Variants in SNRNP48 observed in about 807,000 individuals in gnomAD.
SNRNP48 encodes the protein small nuclear ribonucleoprotein U11/U12 subunit 48.
SNRNP48 carries 43 observed loss-of-function variants against 47.0 expected under a neutral mutation model. The ratio of observed to expected loss-of-function variants is 0.92; its 90% CI spans 0.72 to 1.18. The LOEUF is 1.18. SNRNP48 is among the 50% of genes most tolerant of loss of function. The pLI, the probability that SNRNP48 is intolerant of heterozygous loss-of-function variation, is 0.00. For synonymous variants in SNRNP48, 138 were observed against 144.0 expected, an observed-to-expected ratio of 0.96 and a Z score of 0.30; for missense variants, 396 against 422.2, an observed-to-expected ratio of 0.94 and a Z score of 0.54.
chr6:7,608,770 T>G, intron 8 of SNRNP48, 55 bp from the exon 9 acceptor site: 1 of 962,248 alleles, frequency 1.0e-6, no homozygotes, highest in Non-Finnish European at 1.5e-6. Context: ...TTTAAAGCTC[T>G]GATATTAAAA....
intron 3 of SNRNP48, among the ~76,000 whole-genome samples, 163 bp downstream of exon 3, chr6:7,594,322 A>C (rs1368534073): frequency 3.3e-5 from 5 of 152,252 alleles, no homozygotes; most frequent in African/African-American, 1.2e-4. Context: ...ACTAATTCAC[A>C]TAATCTGAAG....
In SNRNP48 at chr6:7,602,752, T is replaced by G; in HGVS notation, c.717+8T>G. The G allele has an allele frequency of 2.0e-6, 3 of 1,535,562 alleles. No homozygotes were observed. The highest frequency in any genetic ancestry group is 2.6e-6 in the Non-Finnish European group (3 of 1,145,902). On this transcript the variant is annotated splice_region_variant and intron_variant, in intron 6 of 8. Coordinates refer to ENST00000342415, the MANE Select transcript of SNRNP48 (RefSeq NM_152551.4). Reference sequence around the variant, plus strand: ...AAGAAATCATATACTGAGGTAAGTTTTACATAATCTTTGTTGATAAGAATT... The same window carrying G: ...AAGAAATCATATACTGAGGTAAGTTGTACATAATCTTTGTTGATAAGAATT...
Position 7,593,971 on chromosome 6 carries a change from G to A in SNRNP48, c.270+124G>A, listed in dbSNP as rs1371483532. On this transcript the variant is annotated intron_variant, in intron 2 of 8. Transcript: ENST00000342415. ...ATAATAGCCCTTACTTGAAGGGTTG[G>A]TTGGTACTTGCCTAATTGCACAAAT... 3 of 976,660 alleles carry A rather than the reference G, an allele frequency of 3.1e-6. No individual in the cohort carries two copies. In the African/African-American group the frequency reaches 5.0e-5, roughly 16 times the overall value. 60.5% of individuals were successfully genotyped at this position (976,660 alleles called of 1,614,324 possible). A position where few individuals can be genotyped will look rare whatever the true frequency, so the allele number is the denominator to read the frequency against.
At chr6:7,603,910 G>A (rs966180982) in intron 6 of SNRNP48, among the ~76,000 whole-genome samples, 10 of 152,040 alleles carry the variant, frequency 6.6e-5, no homozygotes, top group Admixed American at 1.3e-4. Context: ...CATTCTTTAC[G>A]GTTTTATAGT....
rs200335855 is a variant in SNRNP48, at chr6:7,610,701, T to G, written c.*1828T>G. 2 of 96,024 alleles carry G rather than the reference T, an allele frequency of 2.1e-5. No individual in the cohort carries two copies. The highest frequency in any genetic ancestry group is 4.2e-5 in the Non-Finnish European group (2 of 47,720). The allele number at this position is 96,024 out of a possible 1,614,324, so 5.9% of individuals were successfully genotyped here. On this transcript the variant is annotated 3_prime_UTR_variant, in exon 9 of 9. Coordinates refer to ENST00000342415, the MANE Select transcript of SNRNP48 (RefSeq NM_152551.4). ...GGAGAAAGGAAGAGATTGAAAATGT[T>G]ACCAGAGTTCTTTAAAGCTCACATT...
intron 4 of SNRNP48, among the ~76,000 whole-genome samples, chr6:7,598,158 C>T (rs1314953355): frequency 4.6e-5 from 7 of 151,500 alleles, no homozygotes; most frequent in South Asian, 4.2e-4. Context: ...GGAGCCACCG[C>T]GCCTGGCCAA....
chr6:7,594,958 C>T lies in SNRNP48; in HGVS notation c.332-69C>T, dbSNP rs1171623257. 4.4e-6 allele frequency: 6 copies of T among 1,353,884 alleles called. No individual in the cohort carries two copies. In the East Asian group the frequency reaches 1.2e-4, roughly 28 times the overall value. The allele number at this position is 1,353,884 out of a possible 1,614,324, so 83.9% of individuals were successfully genotyped here. A position where few individuals can be genotyped will look rare whatever the true frequency, so the allele number is the denominator to read the frequency against. On this transcript the variant is annotated intron_variant, in intron 3 of 8. Coordinates refer to ENST00000342415, the MANE Select transcript of SNRNP48 (RefSeq NM_152551.4). Reference sequence around the variant, plus strand: ...GTGCCCAAAGGGCTTGGATCAGAAACCAGTTAATAATTTAATTGTGGTCAC... The same window carrying T: ...GTGCCCAAAGGGCTTGGATCAGAAATCAGTTAATAATTTAATTGTGGTCAC...
chr6:7,605,153 C>G (rs976082532), intron 6 of SNRNP48, among the ~76,000 whole-genome samples: 2 of 152,168 alleles, frequency 1.3e-5, no homozygotes, highest in African/African-American at 4.8e-5. Context: ...GAGATATTTT[C>G]TCACATAAAG....
At chr6:7,604,195 T>A (rs966288468) in intron 6 of SNRNP48, among the ~76,000 whole-genome samples, 1 of 152,230 alleles carries the variant, frequency 6.6e-6, no homozygotes, top group African/African-American at 2.4e-5. Flanking sequence ...CTTGTAGGCC[T>A]GCCAGGGAAG....
chr6:7,602,790 T>A, intron 6 of SNRNP48, 46 bp downstream of exon 6: 1 of 1,502,910 alleles, frequency 6.7e-7, no homozygotes, highest in Admixed American at 2.4e-5. Context: ...CCTTAGGTAA[T>A]TTTCTAAATC....
chr6:7,610,512 A>T lies in SNRNP48; in HGVS notation c.*1639A>T, dbSNP rs957432093. ...AATCATCAGGAATTTCATATTTTTC[A>T]TATTGTGTGACAACTTATAATTTTG... is the stretch of plus-strand genomic sequence containing the variant. On this transcript the variant is annotated 3_prime_UTR_variant, in exon 9 of 9. Transcript: ENST00000342415. 3 of 152,214 alleles carry T rather than the reference A, an allele frequency of 2.0e-5. No individual in the cohort carries two copies. The highest frequency in any genetic ancestry group is 2.0e-4 in the Admixed American group (3 of 15,274). 9.4% of individuals were successfully genotyped at this position (152,214 alleles called of 1,614,324 possible). A position where few individuals can be genotyped will look rare whatever the true frequency, so the allele number is the denominator to read the frequency against.
chr6:7,593,678 ATTAT>A, intron 1 of SNRNP48, 52 bp from the exon 2 acceptor site: 2 of 1,106,240 alleles, frequency 1.8e-6, no homozygotes, highest in Non-Finnish European at 2.6e-6. Context: ...TTTAATGGTA[ATTAT>A]TTATTTAAAT....
chr6:7,605,529 A>G (rs1760110149), intron 7 of SNRNP48, 43 bp downstream of exon 7: 2 of 1,521,864 alleles, frequency 1.3e-6, no homozygotes, highest in Non-Finnish European at 1.8e-6. Context: ...TCTCTTTGAT[A>G]ACAGATAACA....
intron 6 of SNRNP48, among the ~76,000 whole-genome samples, chr6:7,604,332 C>G (rs1177180064): frequency 1.3e-5 from 2 of 152,130 alleles, no homozygotes; most frequent in African/African-American, 4.8e-5. Flanking sequence ...TAAGGATTTT[C>G]CGGGTGGAAG....
chr6:7,601,207 C>A, intron 4 of SNRNP48, 129 bp from the exon 5 acceptor site: 2 of 614,060 alleles, frequency 3.3e-6, no homozygotes, highest in Non-Finnish European at 5.2e-6. Context: ...ATTTTGTATA[C>A]TTAGGGATTA....
At chr6:7,594,591 G>A (rs1052295668) in intron 3 of SNRNP48, among the ~76,000 whole-genome samples, 4 of 152,154 alleles carry the variant, frequency 2.6e-5, no homozygotes, top group African/African-American at 9.7e-5. Flanking sequence ...TAATTAACCT[G>A]TTTGTTGCCT....
At chr6:7,596,806 A>G (rs764820343) in intron 4 of SNRNP48, among the ~76,000 whole-genome samples, 1 of 152,196 alleles carries the variant, frequency 6.6e-6, no homozygotes, top group African/African-American at 2.4e-5. Context: ...GGTTCTGCTC[A>G]TATCCCCTGG....
intron 7 of SNRNP48, 79 bp downstream of exon 7, chr6:7,605,565 G>A (rs894958573): frequency 2.2e-6 from 3 of 1,373,682 alleles, no homozygotes; most frequent in Non-Finnish European, 2.0e-6. Flanking sequence ...TTAAATTTTA[G>A]CATTTCCAAA....
At chr6:7,591,872 A>T (rs1380116514) in intron 1 of SNRNP48, among the ~76,000 whole-genome samples, 5 of 152,232 alleles carry the variant, frequency 3.3e-5, no homozygotes, top group African/African-American at 7.2e-5. Context: ...AGTGAACAAC[A>T]GTCCTAGTTG....
Sources: allele counts gnomAD v4.1 joint callset (sites outside exome capture counted in the v4.1 genomes callset), GRCh38; gene constraint gnomAD v4.1.1; transcripts MANE v1.5; gene names NCBI Gene and HGNC (gene_info 2026-07-23, HGNC 2026-07-21).